Variants in TSPEAR observed in about 807,000 individuals in gnomAD.
TSPEAR encodes thrombospondin type laminin G domain and EAR repeats.
In TSPEAR, 69 loss-of-function variants were observed where a neutral mutation model predicts 71.6. The ratio of observed to expected loss-of-function variants is 0.96; its 90% CI spans 0.79 to 1.18. The LOEUF is 1.18. Among genes scored for constraint, TSPEAR ranks in the 50% most tolerant of loss-of-function variants. The probability of loss-of-function intolerance (pLI) is 0.00; values close to 1 mark genes in which losing one functional copy is unlikely to be tolerated. For missense variants in TSPEAR, 971 were observed against 894.9 expected, an observed-to-expected ratio of 1.09 and a Z score of -1.09; for synonymous variants, 402 against 387.2, an observed-to-expected ratio of 1.04 and a Z score of -0.45.
At chr21:44,522,701 G>A (rs1159841324) in intron 8 of TSPEAR, among the ~76,000 whole-genome samples, 5 of 152,246 alleles carry the variant, frequency 3.3e-5, no homozygotes, top group South Asian at 2.1e-4. Flanking sequence ...CAGGTGTCCC[G>A]GTACCTTCCA....
chr21:44,538,494 A>G (rs2053135720), intron 2 of TSPEAR, among the ~76,000 whole-genome samples: 1 of 136,660 alleles, frequency 7.3e-6, no homozygotes, highest in African/African-American at 2.8e-5. Context: ...CCATCCGCCC[A>G]CCCCATGATG....
chr21:44,595,398 C>T (rs1271324300), intron 1 of TSPEAR, among the ~76,000 whole-genome samples: 1 of 152,210 alleles, frequency 6.6e-6, no homozygotes, highest in African/African-American at 2.4e-5. Flanking sequence ...CTGATCACAA[C>T]ATTCCCATCA....
At chr21:44,527,187 G>T (rs1407566017) in intron 7 of TSPEAR, 105 bp downstream of exon 7, 78 of 1,084,756 alleles carry the variant, frequency 7.2e-5, no homozygotes, top group Non-Finnish European at 1.0e-4. Flanking sequence ...AGGTGACACC[G>T]TGAGAAACTC....
intron 1 of TSPEAR, chr21:44,628,103 C>G: frequency 6.4e-7 from 1 of 1,569,970 alleles, no homozygotes; most frequent in African/African-American, 1.3e-5. Context: ...CCTGCCAGTC[C>G]TTGGACCTCC....
intron 5 of TSPEAR, among the ~76,000 whole-genome samples, chr21:44,529,040 C>T (rs1445257481): frequency 6.6e-6 from 1 of 152,224 alleles, no homozygotes; most frequent in Non-Finnish European, 1.5e-5. Context: ...CACCTCTTGA[C>T]TCTATGTGGG....
At chr21:44,568,417 G>A (rs2053735024) in intron 1 of TSPEAR, among the ~76,000 whole-genome samples, 1 of 152,236 alleles carries the variant, frequency 6.6e-6, no homozygotes, top group African/African-American at 2.4e-5. Flanking sequence ...GCAGGCCCAG[G>A]CTCCTGTCTG....
intron 1 of TSPEAR, among the ~76,000 whole-genome samples, chr21:44,589,196 A>ACC (rs1979578570): frequency 6.6e-6 from 1 of 152,232 alleles, no homozygotes; most frequent in Admixed American, 6.5e-5. Context: ...ATAGAATGTC[A>ACC]CCACATGTGG....
At position 44,525,821 on chromosome 21, in the gene TSPEAR, T is replaced by C. The variant is rs139112987; in HGVS notation, c.1168A>G (p.Asn390Asp). 43 of 1,614,048 alleles carry C rather than the reference T, an allele frequency of 2.7e-5. No individual in the cohort carries two copies. In the African/African-American group the frequency reaches 4.9e-4, roughly 19 times the overall value. The change falls in exon 8 of 12, where the codon AAT (asparagine) becomes GAT (aspartate). Residue 390 changes from asparagine (N) to aspartate (D), a missense_variant. Transcript: ENST00000323084. Reference sequence around the variant, plus strand: ...TGACCCTTCTCATCTGGTTCAAAATTAGCCACTGCCAGGAAGATCTGAAAG... The same window carrying C: ...TGACCCTTCTCATCTGGTTCAAAATCAGCCACTGCCAGGAAGATCTGAAAG... Reference protein sequence around the residue: ...IGKKIFLAVANFEPDEKGQEF... With the variant: ...IGKKIFLAVADFEPDEKGQEF...
chr21:44,548,648 GA>G lies in TSPEAR; in HGVS notation c.304-14726del, dbSNP rs782262682. Among the ~76,000 whole-genome samples, 10 of 152,348 alleles carry G rather than the reference GA, an allele frequency of 6.6e-5. No homozygotes were observed. In the South Asian group the frequency reaches 1.9e-3, roughly 28 times the overall value. Reference sequence around the variant, plus strand: ...TAGAAATACAACTGCAGAGCCAGGGGACGCTGGCCGGGGACGGTGGGTTTGT... The same window carrying G: ...TAGAAATACAACTGCAGAGCCAGGGGCGCTGGCCGGGGACGGTGGGTTTGT... On this transcript the variant is annotated intron_variant, in intron 2 of 11. Coordinates refer to ENST00000323084, the MANE Select transcript of TSPEAR (RefSeq NM_144991.3).
At chr21:44,569,895 C>T (rs2053766252) in intron 1 of TSPEAR, among the ~76,000 whole-genome samples, 1 of 152,048 alleles carries the variant, frequency 6.6e-6, no homozygotes, top group Admixed American at 6.5e-5. Context: ...CTGATGTTGG[C>T]CCAAGCCTCA....
At chr21:44,525,155 T>TAGTC (rs58689458) in intron 8 of TSPEAR, among the ~76,000 whole-genome samples, 2,414 of 151,656 alleles carry the variant, frequency 0.016, 51 homozygotes, top group African/African-American at 0.044. Flanking sequence ...GTCAGGTAGT[T>TAGTC]AGTCAGTCAG....
chr21:44,652,379 G>A (rs372848509), intron 1 of TSPEAR, among the ~76,000 whole-genome samples: 17 of 152,254 alleles, frequency 1.1e-4, no homozygotes, highest in African/African-American at 3.6e-4. Context: ...GGAACACTGC[G>A]GGGACCCAGC....
chr21:44,633,908 G>C (rs1183165301), intron 1 of TSPEAR, among the ~76,000 whole-genome samples: 2 of 151,674 alleles, frequency 1.3e-5, no homozygotes, highest in African/African-American at 4.8e-5. Flanking sequence ...ATATCTTGGG[G>C]GTCTGATGTT....
At chr21:44,507,832 C>T (rs767876024) in intron 10 of TSPEAR, among the ~76,000 whole-genome samples, 1 of 152,192 alleles carries the variant, frequency 6.6e-6, no homozygotes, top group Non-Finnish European at 1.5e-5. Flanking sequence ...CAACTGCCAC[C>T]GCCGCCCCGT....
At chr21:44,523,416 TAGTC>T (rs587757850) in intron 8 of TSPEAR, among the ~76,000 whole-genome samples, 117 of 151,898 alleles carry the variant, frequency 7.7e-4, no homozygotes, top group African/African-American at 2.7e-3. Context: ...ATAAGTCAGG[TAGTC>T]AGGTAGTTAG....
chr21:44,513,712 G>A (rs2052467798), intron 9 of TSPEAR, among the ~76,000 whole-genome samples: 1 of 152,194 alleles, frequency 6.6e-6, no homozygotes, highest in Non-Finnish European at 1.5e-5. Context: ...AGGCCCTTGG[G>A]TTCCGGCTTT....
chr21:44,557,569 G>C (rs587648654), intron 2 of TSPEAR, among the ~76,000 whole-genome samples: 4 of 152,296 alleles, frequency 2.6e-5, no homozygotes, highest in Admixed American at 2.0e-4. Flanking sequence ...GGGTGGGTGT[G>C]GGGGATTCAC....
intron 2 of TSPEAR, among the ~76,000 whole-genome samples, chr21:44,548,886 G>A (rs2053349649): frequency 6.6e-6 from 1 of 152,244 alleles, no homozygotes; most frequent in Non-Finnish European, 1.5e-5. Flanking sequence ...GTACCTGAGT[G>A]TGGAAAGGTA....
chr21:44,572,018 T>C (rs891285882), intron 1 of TSPEAR, among the ~76,000 whole-genome samples: 1 of 152,166 alleles, frequency 6.6e-6, no homozygotes, highest in African/African-American at 2.4e-5. Flanking sequence ...GTCTCAGACA[T>C]GACCAATTAC....
Sources: allele counts gnomAD v4.1 joint callset (sites outside exome capture counted in the v4.1 genomes callset), GRCh38; gene constraint gnomAD v4.1.1; transcripts MANE v1.5; gene names NCBI Gene and HGNC (gene_info 2026-07-23, HGNC 2026-07-21).